The following PHF14 variants were observed in gnomAD, a reference collection of about 807,000 sequenced individuals.
PHF14 encodes PHD finger protein 14.
In PHF14, 55 loss-of-function variants were observed where a neutral mutation model predicts 117.9. The ratio of observed to expected loss-of-function variants is 0.47; its 90% CI spans 0.38 to 0.58. The LOEUF is 0.58. PHF14 is among the 20% of genes least tolerant of loss of function. The pLI, the probability that PHF14 is intolerant of heterozygous loss-of-function variation, is 0.00. For synonymous variants in PHF14, 409 were observed against 368.6 expected (o/e 1.11, Z -1.26); for missense variants, 978 against 1,122.2 (o/e 0.87, Z 1.84).
intron 4 of PHF14, 113 bp downstream of exon 4, chr7:10,990,960 A>C: frequency 1.5e-6 from 1 of 669,610 alleles, no homozygotes; most frequent in Non-Finnish European, 2.4e-6. Flanking sequence ...ATAATGCTAA[A>C]TCATCAAAGT....
intron 11 of PHF14, among the ~76,000 whole-genome samples, chr7:11,040,414 A>T (rs1271316670): frequency 6.6e-6 from 1 of 152,036 alleles, no homozygotes; most frequent in Non-Finnish European, 1.5e-5. Context: ...TTGTCTTTGA[A>T]AGCTGAAATA....
chr7:11,139,179 T>C (rs1310220871), intron 17 of PHF14, among the ~76,000 whole-genome samples: 6 of 152,188 alleles, frequency 3.9e-5, no homozygotes, highest in Admixed American at 3.9e-4. Flanking sequence ...GCCACTATCA[T>C]AGAAGTGAAT....
chr7:11,031,028 A>G (rs1183717444), intron 7 of PHF14, among the ~76,000 whole-genome samples: 2 of 152,194 alleles, frequency 1.3e-5, no homozygotes, highest in African/African-American at 2.4e-5. Flanking sequence ...ATGTAATAGC[A>G]TTTAAAATTA....
chr7:11,108,798 C>G (rs1036511429), intron 16 of PHF14: 1 of 151,566 alleles, frequency 6.6e-6, no homozygotes, highest in Non-Finnish European at 1.5e-5. Flanking sequence ...GCTATATCAA[C>G]AAGAATTATT....
chr7:10,974,251 C>A lies in PHF14; in HGVS notation c.-73C>A. 3.6e-6 allele frequency: 5 copies of A among 1,378,938 alleles called. No individual in the cohort carries two copies. Among genetic ancestry groups the A allele is most frequent in the Non-Finnish European group, 4.0e-6 (4 of 990,216 alleles). The allele number at this position is 1,378,938 out of a possible 1,614,324, so 85.4% of individuals were successfully genotyped here. A position where few individuals can be genotyped will look rare whatever the true frequency, so the allele number is the denominator to read the frequency against. The stretch of plus-strand genomic sequence containing the variant: ...GACTTGTCTTCGCGGCCCCAGTCCC[C>A]GACCTCGGCGCTGCCTGGGCTCCTG... On this transcript the variant is annotated 5_prime_UTR_variant, in exon 1 of 18. Transcript: ENST00000634607.
At chr7:11,158,194 A>G (rs901099521) in intron 17 of PHF14, among the ~76,000 whole-genome samples, 17 of 152,140 alleles carry the variant, frequency 1.1e-4, no homozygotes, top group Admixed American at 9.2e-4. Flanking sequence ...CTCCTGTTTC[A>G]TTTTGTCATT....
At chr7:11,124,842 T>G (rs1167621706) in intron 17 of PHF14, among the ~76,000 whole-genome samples, 2 of 152,170 alleles carry the variant, frequency 1.3e-5, no homozygotes, top group Non-Finnish European at 2.9e-5. Context: ...TCAGATAATT[T>G]TTCTATTATA....
chr7:10,998,444 A>G (rs1376828626), intron 4 of PHF14, among the ~76,000 whole-genome samples: 1 of 152,184 alleles, frequency 6.6e-6, no homozygotes, highest in Admixed American at 6.5e-5. Flanking sequence ...ACAGACACAT[A>G]TATGTATATA....
chr7:11,036,920 C>A, intron 9 of PHF14, 65 bp from the exon 10 acceptor site: 1 of 1,078,594 alleles, frequency 9.3e-7, no homozygotes, highest in Non-Finnish European at 1.4e-6. Flanking sequence ...ATCTTTATAG[C>A]TAGTTTCTTC....
At chr7:11,124,281 T>A (rs1374450971) in intron 17 of PHF14, among the ~76,000 whole-genome samples, 5 of 152,094 alleles carry the variant, frequency 3.3e-5, no homozygotes, top group Non-Finnish European at 7.4e-5. Flanking sequence ...TTAAAAAAAA[T>A]TACAGTTAGA....
chr7:11,154,238 G>T (rs530130014), intron 17 of PHF14, among the ~76,000 whole-genome samples: 1 of 152,000 alleles, frequency 6.6e-6, no homozygotes, highest in East Asian at 1.9e-4. Flanking sequence ...TATGTATACA[G>T]AGTTCCTCAA....
At position 10,983,035 on chromosome 7, in the gene PHF14, A is replaced by G. The variant is rs1562560651; in HGVS notation, c.776A>G (p.His259Arg). Residue 259 changes from histidine (H) to arginine (R), a missense_variant, in exon 3 of 18, where the codon CAT becomes CGT. Coordinates refer to ENST00000634607, the MANE Select transcript of PHF14 (RefSeq NM_001007157.2). ...AATGATGAAGGCAATGATGAAGATC[A>G]TAGTAGCCCTGCCAGTGAAGGGGGT... ...DENDEGNDEDHSSPASEGGCK... is the reference protein window; with the variant it reads ...DENDEGNDEDRSSPASEGGCK... The G allele has an allele frequency of 1.3e-6, 2 of 1,590,918 alleles. No homozygotes were observed. The highest frequency in any genetic ancestry group is 1.3e-5 in the African/African-American group (1 of 74,874).
chr7:11,006,720 G>A (rs770200014), intron 4 of PHF14: 17 of 663,628 alleles, frequency 2.6e-5, no homozygotes, highest in Non-Finnish European at 4.5e-5. Flanking sequence ...GAGTCTCAGT[G>A]TCTTGGGCTG....
chr7:11,124,752 G>T (rs142556172), intron 17 of PHF14, among the ~76,000 whole-genome samples: 3 of 152,130 alleles, frequency 2.0e-5, no homozygotes, highest in South Asian at 4.1e-4. Flanking sequence ...ATTAAAATAG[G>T]TATTTTCTAT....
intron 17 of PHF14, among the ~76,000 whole-genome samples, chr7:11,111,908 T>TAAA (rs59702121): frequency 6.8e-6 from 1 of 148,030 alleles, no homozygotes; most frequent in Non-Finnish European, 1.5e-5. Context: ...TCTGTTCCTT[T>TAAA]AAAAAAAAAA....
At chr7:11,028,870 G>GA in intron 7 of PHF14, 52 bp downstream of exon 7, 1 of 1,471,198 alleles carries the variant, frequency 6.8e-7, no homozygotes, top group Non-Finnish European at 9.5e-7. Flanking sequence ...GATATCTTTT[G>GA]ACTCTATGTC....
chr7:10,990,889 T>A, intron 4 of PHF14, 42 bp downstream of exon 4: 1 of 1,460,316 alleles, frequency 6.8e-7, no homozygotes, highest in Non-Finnish European at 9.3e-7. Flanking sequence ...AATGGCTGAC[T>A]GTGGCTCTTT....
Position 11,051,752 on chromosome 7 carries a change from A to C in PHF14, c.2453A>C (p.Glu818Ala). Reference sequence around the variant, plus strand: ...TTTGTTCCACAGGATGTGCCACCAGAACCCAAGAAGATTCCGATAAGAAAC... The same window carrying C: ...TTTGTTCCACAGGATGTGCCACCAGCACCCAAGAAGATTCCGATAAGAAAC... ...VKFVPQDVPP[E>A]PKKIPIRNTR... The change falls in exon 14 of 18, where the codon GAA (glutamate) becomes GCA (alanine). Residue 818 changes from glutamate (E) to alanine (A), a missense_variant. Physicochemically the swap from Glu to Ala is moderately radical, Grantham distance 107. This residue lies in a region of PHF14 where 180 missense variants were observed against 195.4 expected (regional missense o/e 0.92). Transcript: ENST00000634607. 1 of 1,613,680 alleles carries C rather than the reference A, an allele frequency of 6.2e-7. No homozygotes were observed. Among genetic ancestry groups the C allele is most frequent in the Non-Finnish European group, 8.5e-7 (1 of 1,179,690 alleles).
At chr7:11,084,855 C>T (rs865843681) in intron 16 of PHF14, among the ~76,000 whole-genome samples, 1 of 151,968 alleles carries the variant, frequency 6.6e-6, no homozygotes, top group Non-Finnish European at 1.5e-5. Flanking sequence ...ATTGATGAAC[C>T]ATTTGGATTT....
Sources: gnomAD v4.1 joint callset for allele counts (sites outside exome capture counted in the v4.1 genomes callset) on GRCh38, gnomAD v4.1.1 for gene constraint, gnomAD v4.1.1 regional missense constraint, MANE v1.5 for transcripts, NCBI Gene and HGNC (gene_info 2026-07-23, HGNC 2026-07-21) for gene names.